The following HS6ST3 variants were observed in gnomAD, a reference collection of about 807,000 sequenced individuals.
The protein encoded by HS6ST3 is heparan sulfate 6-O-sulfotransferase 3.
HS6ST3 carries 12 observed loss-of-function variants against 36.7 expected under a neutral mutation model. The observed-to-expected ratio is 0.33, with a 90% CI of 0.21 to 0.53. The LOEUF is 0.53. Ranked by LOEUF, HS6ST3 falls within the 20% of genes least tolerant of loss-of-function variation. HS6ST3 has a pLI of 0.95. For missense variants in HS6ST3, 584 were observed against 640.9 expected (o/e 0.91, Z 0.96); for synonymous variants, 240 against 257.5 (o/e 0.93, Z 0.65).
At chr13:96,291,726 G>A (rs2054830739) in intron 1 of HS6ST3, among the ~76,000 whole-genome samples, 1 of 152,082 alleles carries the variant, frequency 6.6e-6, no homozygotes, top group Admixed American at 6.6e-5. Context: ...ACTTAAAACT[G>A]GAAAAAGAAG....
intron 1 of HS6ST3, among the ~76,000 whole-genome samples, chr13:96,547,164 T>A (rs545126046): frequency 6.6e-6 from 1 of 152,314 alleles, no homozygotes; most frequent in East Asian, 1.9e-4. Context: ...GGGAATAGCT[T>A]CTCTTTTAGG....
intron 1 of HS6ST3, among the ~76,000 whole-genome samples, chr13:96,428,774 C>G (rs1349134414): frequency 6.6e-6 from 1 of 151,650 alleles, no homozygotes; most frequent in African/African-American, 2.4e-5. Context: ...ACCAGGAATG[C>G]AAGTGCTCTG....
chr13:96,703,895 T>C (rs1013957693), intron 1 of HS6ST3, among the ~76,000 whole-genome samples: 1 of 152,176 alleles, frequency 6.6e-6, no homozygotes, highest in African/African-American at 2.4e-5. Context: ...CAAGTTCTGA[T>C]GATTTAAAAG....
chr13:96,214,287 T>A (rs2054413342), intron 1 of HS6ST3, among the ~76,000 whole-genome samples: 1 of 152,124 alleles, frequency 6.6e-6, no homozygotes, highest in South Asian at 2.1e-4. Flanking sequence ...ATATGGTGGA[T>A]GGGGGCTGTT....
At chr13:96,215,494 G>T (rs190115427) in intron 1 of HS6ST3, among the ~76,000 whole-genome samples, 1 of 152,218 alleles carries the variant, frequency 6.6e-6, no homozygotes, top group East Asian at 1.9e-4. Flanking sequence ...ATATAAAACT[G>T]TGTACTCTTC....
intron 1 of HS6ST3, among the ~76,000 whole-genome samples, chr13:96,449,122 C>T (rs934608882): frequency 2.6e-5 from 4 of 152,006 alleles, no homozygotes; most frequent in Admixed American, 6.6e-5. Context: ...CCACCATACC[C>T]GGCTAATTTT....
intron 1 of HS6ST3, among the ~76,000 whole-genome samples, chr13:96,328,943 T>C (rs1222853426): frequency 2.0e-5 from 3 of 152,018 alleles, no homozygotes; most frequent in Non-Finnish European, 4.4e-5. Context: ...TATCCATTTC[T>C]TCTAGATTTT....
intron 1 of HS6ST3, among the ~76,000 whole-genome samples, chr13:96,483,839 GT>G (rs2055901139): frequency 6.6e-6 from 1 of 152,022 alleles, no homozygotes; most frequent in South Asian, 2.1e-4. Context: ...GGTCATCTAG[GT>G]TTTCTCTTGT....
chr13:96,301,773 G>A (rs572816623), intron 1 of HS6ST3, among the ~76,000 whole-genome samples: 9 of 151,634 alleles, frequency 5.9e-5, no homozygotes, highest in East Asian at 5.8e-4. Context: ...AGTTGGGCAC[G>A]GTGGTGGGTG....
chr13:96,687,454 A>G (rs976610914), intron 1 of HS6ST3, among the ~76,000 whole-genome samples: 3 of 152,044 alleles, frequency 2.0e-5, no homozygotes, highest in African/African-American at 7.2e-5. Flanking sequence ...AAGAATGACT[A>G]CAATATGCAG....
intron 1 of HS6ST3, among the ~76,000 whole-genome samples, chr13:96,161,453 A>G (rs2054135431): frequency 6.6e-6 from 1 of 152,168 alleles, no homozygotes. Context: ...GTTTGTGAAG[A>G]GATGCAGTGA....
chr13:96,457,649 A>G (rs550933426), intron 1 of HS6ST3, among the ~76,000 whole-genome samples: 12 of 152,284 alleles, frequency 7.9e-5, no homozygotes, highest in African/African-American at 2.9e-4. Context: ...GAGCTGGCAA[A>G]ACACATACAG....
chr13:96,445,975 A>C (rs943353012), intron 1 of HS6ST3, among the ~76,000 whole-genome samples: 1 of 152,086 alleles, frequency 6.6e-6, no homozygotes, highest in Admixed American at 6.5e-5. Context: ...GATTGAGACC[A>C]TTCTGGCTAA....
At chr13:96,154,607 A>C (rs1221516125) in intron 1 of HS6ST3, among the ~76,000 whole-genome samples, 4 of 152,158 alleles carry the variant, frequency 2.6e-5, no homozygotes, top group Non-Finnish European at 4.4e-5. Flanking sequence ...ATCAATAAAA[A>C]AGAAGCTTTA....
intron 1 of HS6ST3, among the ~76,000 whole-genome samples, chr13:96,509,141 T>C (rs576197191): frequency 6.6e-6 from 1 of 152,228 alleles, no homozygotes; most frequent in East Asian, 1.9e-4. Flanking sequence ...TATTGGCCAT[T>C]TGTACATCTT....
At chr13:96,765,274 A>T (rs371684947) in intron 1 of HS6ST3, among the ~76,000 whole-genome samples, 205 of 151,856 alleles carry the variant, frequency 1.3e-3, no homozygotes, top group Middle Eastern at 3.4e-3. Context: ...GGGTTTCACC[A>T]TGTTAGCCAG....
intron 1 of HS6ST3, among the ~76,000 whole-genome samples, chr13:96,556,785 A>G (rs2056242649): frequency 6.6e-6 from 1 of 152,152 alleles, no homozygotes; most frequent in African/African-American, 2.4e-5. Flanking sequence ...CTTCTATGAG[A>G]AGAGGAAACA....
At chr13:96,381,410 G>GTATCTATGTATCTATGTATC (rs141594405) in intron 1 of HS6ST3, among the ~76,000 whole-genome samples, 2 of 138,576 alleles carry the variant, frequency 1.4e-5, no homozygotes, top group Non-Finnish European at 3.2e-5. Flanking sequence ...ATGTATCTAT[G>GTATCTATGTATCTATGTATC]TATCTATCTA....
chr13:96,816,235 G>T (rs527574012), intron 1 of HS6ST3, among the ~76,000 whole-genome samples: 3 of 152,306 alleles, frequency 2.0e-5, no homozygotes, highest in African/African-American at 4.8e-5. Flanking sequence ...GCTGTTACTA[G>T]AATTCCAGAA....
Sources: allele counts gnomAD v4.1 joint callset (sites outside exome capture counted in the v4.1 genomes callset), GRCh38; gene constraint gnomAD v4.1.1; transcripts MANE v1.5; gene names NCBI Gene and HGNC (gene_info 2026-07-23, HGNC 2026-07-21).